Variants in SLC36A3 observed in about 807,000 individuals in gnomAD.
The protein encoded by SLC36A3 is proton-coupled amino acid transporter 3.
In SLC36A3, 35 loss-of-function variants were observed where a neutral mutation model predicts 44.3. The ratio of observed to expected loss-of-function variants is 0.79; its 90% CI spans 0.60 to 1.05. The LOEUF (loss-of-function observed/expected upper bound fraction) is 1.05, where lower values mean the gene tolerates loss of function less well. Ranked by LOEUF, SLC36A3 falls within the 50% of genes least tolerant of loss-of-function variation. The pLI is 0.00. For missense variants in SLC36A3, 540 were observed against 578.7 expected (o/e 0.93, Z 0.69); for synonymous variants, 211 against 227.6 (o/e 0.93, Z 0.66).
At chr5:151,279,053 T>G (rs1055043910) in intron 9 of SLC36A3, among the ~76,000 whole-genome samples, 5 of 152,182 alleles carry the variant, frequency 3.3e-5, no homozygotes, top group African/African-American at 1.2e-4. Context: ...CACTCTCCAC[T>G]TCTCCAAAGG....
chr5:151,301,151 G>T (rs1755154271), intron 1 of SLC36A3, among the ~76,000 whole-genome samples: 1 of 152,166 alleles, frequency 6.6e-6, no homozygotes, highest in African/African-American at 2.4e-5. Context: ...AGATGTCCTT[G>T]TTTATTCCTG....
chr5:151,290,768 G>A (rs557092009), intron 4 of SLC36A3, among the ~76,000 whole-genome samples: 43 of 152,096 alleles, frequency 2.8e-4, no homozygotes, highest in African/African-American at 9.6e-4. Context: ...GGTGGCGGGC[G>A]CCTGTAGTCC....
At chr5:151,301,523 C>G (rs1755164271) in intron 1 of SLC36A3, among the ~76,000 whole-genome samples, 1 of 152,078 alleles carries the variant, frequency 6.6e-6, no homozygotes, top group Non-Finnish European at 1.5e-5. Context: ...AAACTCACTT[C>G]GAGCCCCTGT....
intron 6 of SLC36A3, 61 bp downstream of exon 6, chr5:151,287,185 C>G: frequency 1.3e-6 from 2 of 1,552,802 alleles, no homozygotes; most frequent in Non-Finnish European, 1.8e-6. Flanking sequence ...GATAACAAAC[C>G]CTCCTCCCCA....
Position 151,296,248 on chromosome 5 carries a change from C to T in SLC36A3, c.240G>A (p.Leu80=), listed in dbSNP as rs1366266469. The change falls in exon 3 of 10, where the codon CTG becomes CTA. Residue 80 remains leucine (L), a synonymous_variant. Transcript: ENST00000335230. The part of the protein sequence containing the change: ...AGLLVGPVSL[L]AIGVLTVHCM... Reference sequence around the variant, plus strand: ...AGTGCACGGTGAGGACCCCGATGGCCAGAAGGCTGACAGGACCGACCTGGA... The same window carrying T: ...AGTGCACGGTGAGGACCCCGATGGCTAGAAGGCTGACAGGACCGACCTGGA... 1.2e-6 allele frequency: 2 copies of T among 1,614,022 alleles called. No individual in the cohort carries two copies. Among genetic ancestry groups the T allele is most frequent in the Non-Finnish European group, 1.7e-6 (2 of 1,180,036 alleles).
intron 3 of SLC36A3, among the ~76,000 whole-genome samples, chr5:151,295,634 T>A (rs1754931238): frequency 6.6e-6 from 1 of 152,260 alleles, no homozygotes; most frequent in Non-Finnish European, 1.5e-5. Flanking sequence ...TTACTGCATT[T>A]GTCTTTTCTT....
intron 1 of SLC36A3, among the ~76,000 whole-genome samples, chr5:151,301,354 A>G (rs1260889983): frequency 2.0e-5 from 3 of 152,114 alleles, no homozygotes; most frequent in Admixed American, 2.0e-4. Flanking sequence ...AAACCTCCCC[A>G]CATTGTTCCT....
At position 151,281,133 on chromosome 5, in the gene SLC36A3, T is replaced by C. The variant is rs1264721868; in HGVS notation, c.1025A>G (p.Tyr342Cys). Residue 342 changes from tyrosine to cysteine, a missense_variant, in exon 9 of 10, where the codon TAT (tyrosine) becomes TGT (cysteine). By Grantham distance (194) the Tyr-to-Cys change is radical. Coordinates refer to ENST00000335230, the MANE Select transcript of SLC36A3 (RefSeq NM_181774.4). ...LMYSIGIFFT[Y>C]ALQFHVPAEI... Reference sequence around the variant, plus strand: ...AGCTGGGACGTGGAACTGGAGGGCATAGGTGAAGAAGATGCCGATAGAGTA... The same window carrying C: ...AGCTGGGACGTGGAACTGGAGGGCACAGGTGAAGAAGATGCCGATAGAGTA... 4 of 1,613,912 alleles carry C rather than the reference T, an allele frequency of 2.5e-6. No homozygotes were observed. The highest frequency in any genetic ancestry group is 2.2e-5 in the East Asian group (1 of 44,894).
rs202009800 is a variant in SLC36A3 at position 151,284,698 on chromosome 5, G to A, written c.722C>T (p.Pro241Leu). The A allele has an allele frequency of 5.0e-6, 8 of 1,612,450 alleles. No homozygotes were observed. The Middle Eastern group carries it at 6.6e-4, about 133-fold the overall frequency. Residue 241 changes from proline to leucine, a missense_variant, in exon 7 of 10, where the codon CCC (proline) becomes CTC (leucine). Physicochemically the swap from Pro to Leu is moderately conservative, Grantham distance 98. Transcript: ENST00000335230. Reference protein sequence around the residue: ...FEYIMEGIPYPSNLPLMANWK... With the variant: ...FEYIMEGIPYLSNLPLMANWK... ...GTTTGCCATCAAGGGTAGGTTGCTGGGATATGGAATCCCCTAAAAGAAAGT... is the reference window on the plus strand; with the variant it reads ...GTTTGCCATCAAGGGTAGGTTGCTGAGATATGGAATCCCCTAAAAGAAAGT...
At chr5:151,299,250 C>CTATATATA (rs1291436379) in intron 1 of SLC36A3, among the ~76,000 whole-genome samples, 17 of 96,100 alleles carry the variant, frequency 1.8e-4, no homozygotes, top group Non-Finnish European at 2.2e-4. Flanking sequence ...CTCTCTCTCT[C>CTATATATA]TCTCTCTCTC....
chr5:151,294,289 C>T (rs780287955), intron 3 of SLC36A3, among the ~76,000 whole-genome samples: 4 of 152,104 alleles, frequency 2.6e-5, no homozygotes, highest in African/African-American at 7.2e-5. Flanking sequence ...TACTGCTCAC[C>T]GTGATAGGCA....
At chr5:151,279,946 C>T (rs1208240849) in intron 9 of SLC36A3, among the ~76,000 whole-genome samples, 1 of 152,164 alleles carries the variant, frequency 6.6e-6, no homozygotes, top group Admixed American at 6.5e-5. Context: ...TTTCCTGAGA[C>T]TTTGCTTCTC....
At chr5:151,289,361 G>A (rs906214605) in intron 4 of SLC36A3, among the ~76,000 whole-genome samples, 6 of 151,898 alleles carry the variant, frequency 4.0e-5, no homozygotes, top group Non-Finnish European at 8.8e-5. Context: ...AGGATCTAAT[G>A]AAGGTTTGTA....
chr5:151,299,372 G>GAT (rs3051898), intron 1 of SLC36A3, among the ~76,000 whole-genome samples: 1,696 of 136,522 alleles, frequency 0.012, 17 homozygotes, highest in East Asian at 0.016. Context: ...TGAGCATGGT[G>GAT]ATATATATAT....
chr5:151,303,458 G>A lies in SLC36A3; in HGVS notation c.-104C>T. ...ACCATGGCTGCTGACCTGAGATGCT[G>A]GCTCCTAACCCCAAGGATGCGTGCT... On this transcript the variant is annotated 5_prime_UTR_variant, in exon 1 of 10. The change creates a premature stop within an existing upstream ORF in the 5' untranslated region. Transcript: ENST00000335230. The A allele has an allele frequency of 1.5e-6, 2 of 1,303,812 alleles. No homozygotes were observed. Among genetic ancestry groups the A allele is most frequent in the Non-Finnish European group, 2.1e-6 (2 of 942,606 alleles). The allele number at this position is 1,303,812 out of a possible 1,614,324, so 80.8% of individuals were successfully genotyped here.
At chr5:151,279,422 C>G (rs551759721) in intron 9 of SLC36A3, among the ~76,000 whole-genome samples, 11 of 152,276 alleles carry the variant, frequency 7.2e-5, no homozygotes, top group African/African-American at 2.6e-4. Flanking sequence ...AGCACAATGC[C>G]AGGTATGTAG....
intron 5 of SLC36A3, among the ~76,000 whole-genome samples, chr5:151,288,169 C>T (rs189545556): frequency 6.6e-6 from 1 of 152,306 alleles, no homozygotes; most frequent in East Asian, 1.9e-4. Context: ...GCAGGCCTCT[C>T]TTTCTACCCT....
At chr5:151,299,264 C>CTATATATATATATA (rs66776978) in intron 1 of SLC36A3, among the ~76,000 whole-genome samples, 31 of 59,644 alleles carry the variant, frequency 5.2e-4, no homozygotes, top group East Asian at 4.2e-3. Context: ...CTCTCTCTCT[C>CTATATATATATATA]TATATATATA....
intron 4 of SLC36A3, among the ~76,000 whole-genome samples, chr5:151,290,545 T>C (rs1754718998): frequency 1.3e-5 from 2 of 152,254 alleles, no homozygotes; most frequent in Non-Finnish European, 2.9e-5. Flanking sequence ...ACACACATAC[T>C]GAATTTGTCG....
Sources: gnomAD v4.1 joint callset for allele counts (sites outside exome capture counted in the v4.1 genomes callset) on GRCh38, gnomAD v4.1.1 for gene constraint, MANE v1.5 for transcripts, NCBI Gene and HGNC (gene_info 2026-07-23, HGNC 2026-07-21) for gene names.